Variants in SNTG1 observed in about 807,000 individuals in gnomAD.
SNTG1 encodes gamma-1-syntrophin.
Under a neutral mutation model 74.7 loss-of-function variants are expected in SNTG1, and 39 were observed. That is an observed-to-expected ratio of 0.52 (90% CI 0.40 to 0.68). SNTG1 has a LOEUF of 0.68. Ranked by LOEUF, SNTG1 falls within the 30% of genes least tolerant of loss-of-function variation. The pLI, the probability that SNTG1 is intolerant of heterozygous loss-of-function variation, is 0.00. For missense variants in SNTG1, 685 were observed against 609.5 expected, an observed-to-expected ratio of 1.12 and a Z score of -1.30; for synonymous variants, 254 against 217.1, an observed-to-expected ratio of 1.17 and a Z score of -1.49.
intron 8 of SNTG1, among the ~76,000 whole-genome samples, chr8:50,462,481 C>T (rs2093572301): frequency 6.6e-6 from 1 of 150,438 alleles, no homozygotes; most frequent in Admixed American, 6.7e-5. Context: ...TAAAATAGAA[C>T]AATGAAATTT....
At chr8:50,008,373 G>A (rs137920873) in intron 1 of SNTG1, among the ~76,000 whole-genome samples, 1 of 152,316 alleles carries the variant, frequency 6.6e-6, no homozygotes, top group South Asian at 2.1e-4. Context: ...TCTTAGTGCA[G>A]TGTCTGGATA....
intron 2 of SNTG1, among the ~76,000 whole-genome samples, chr8:50,225,881 A>G (rs2085303103): frequency 6.6e-6 from 1 of 152,176 alleles, no homozygotes. Flanking sequence ...TTCAAGAAGT[A>G]TTGACAATTG....
intron 18 of SNTG1, among the ~76,000 whole-genome samples, chr8:50,764,363 T>C (rs10098054): frequency 0.21 from 32,526 of 151,822 alleles, 5,249 homozygotes; most frequent in African/African-American, 0.46. Context: ...ATTTATAAGC[T>C]GTACATGTGA....
intron 15 of SNTG1, among the ~76,000 whole-genome samples, chr8:50,697,614 T>A (rs1563756646): frequency 6.6e-6 from 1 of 152,178 alleles, no homozygotes; most frequent in African/African-American, 2.4e-5. Flanking sequence ...ATGCTTCATT[T>A]GTTGAGGGTT....
chr8:50,731,068 A>G (rs2095511759), intron 17 of SNTG1, among the ~76,000 whole-genome samples: 1 of 152,210 alleles, frequency 6.6e-6, no homozygotes, highest in African/African-American at 2.4e-5. Flanking sequence ...GCTTATAAGT[A>G]GAATATAAAA....
At chr8:50,761,569 C>T (rs1371251784) in intron 18 of SNTG1, among the ~76,000 whole-genome samples, 2 of 150,980 alleles carry the variant, frequency 1.3e-5, no homozygotes, top group African/African-American at 2.4e-5. Context: ...CTCTTGAGGG[C>T]AGGCCTTGCT....
At chr8:49,930,887 A>G (rs1807522048) in intron 1 of SNTG1, among the ~76,000 whole-genome samples, 1 of 152,210 alleles carries the variant, frequency 6.6e-6, no homozygotes, top group Admixed American at 6.5e-5. Flanking sequence ...CTTTGTTTAG[A>G]TACCAGCAAT....
rs967198710 is a variant in SNTG1, at chr8:50,358,098, T to C, written c.-27-36114T>C. 2.0e-5 allele frequency among the ~76,000 whole-genome samples: 3 copies of C among 152,160 alleles called. No homozygotes were observed. The East Asian group carries it at 5.8e-4, about 29-fold the overall frequency. The stretch of plus-strand genomic sequence containing the variant: ...TCCAAATATTGATTGTGTCCCACCA[T>C]GTGGCAGGCTCTGTGCTGGGTGCTA... On this transcript the variant is annotated intron_variant, in intron 2 of 18. Coordinates refer to ENST00000642720, the MANE Select transcript of SNTG1 (RefSeq NM_018967.5).
At chr8:49,999,840 T>A (rs889962535) in intron 1 of SNTG1, among the ~76,000 whole-genome samples, 3 of 152,134 alleles carry the variant, frequency 2.0e-5, no homozygotes, top group African/African-American at 7.2e-5. Flanking sequence ...CACTGAATAT[T>A]TCACCTAACT....
chr8:50,278,854 T>C (rs950914282), intron 2 of SNTG1, among the ~76,000 whole-genome samples: 4 of 152,006 alleles, frequency 2.6e-5, no homozygotes, highest in African/African-American at 9.7e-5. Context: ...AAAATTCATG[T>C]CTAAGAGAGC....
At chr8:50,408,826 C>T (rs977759328) in intron 4 of SNTG1, among the ~76,000 whole-genome samples, 1 of 152,076 alleles carries the variant, frequency 6.6e-6, no homozygotes, top group Non-Finnish European at 1.5e-5. Flanking sequence ...ATTGAGAATT[C>T]GTGGTAAGTA....
At chr8:50,529,222 A>G (rs1410255766) in intron 9 of SNTG1, among the ~76,000 whole-genome samples, 1 of 152,002 alleles carries the variant, frequency 6.6e-6, no homozygotes, top group Non-Finnish European at 1.5e-5. Context: ...AGGAAAAATA[A>G]CTAAAACATA....
At chr8:50,139,475 C>A (rs6988843) in intron 1 of SNTG1, among the ~76,000 whole-genome samples, 62,772 of 152,032 alleles carry the variant, frequency 0.41, 15,761 homozygotes, top group African/African-American at 0.72. Context: ...ATATGTAAGA[C>A]GGTGTCATTA....
chr8:50,694,106 A>G (rs1366247756), intron 15 of SNTG1, among the ~76,000 whole-genome samples: 1 of 151,976 alleles, frequency 6.6e-6, no homozygotes, highest in African/African-American at 2.4e-5. Flanking sequence ...ATAATAAAGA[A>G]CATAAATAAA....
chr8:49,933,450 A>C (rs1160734680), intron 1 of SNTG1, among the ~76,000 whole-genome samples: 2 of 152,130 alleles, frequency 1.3e-5, no homozygotes, highest in African/African-American at 4.8e-5. Flanking sequence ...AGAATTTAAC[A>C]GTTTAGCTTT....
At chr8:50,055,829 CA>C (rs1195088957) in intron 1 of SNTG1, among the ~76,000 whole-genome samples, 2 of 152,040 alleles carry the variant, frequency 1.3e-5, no homozygotes, top group African/African-American at 2.4e-5. Flanking sequence ...GTTGGAAAAA[CA>C]AACACATTAA....
intron 8 of SNTG1, among the ~76,000 whole-genome samples, chr8:50,482,985 T>G (rs2131826263): frequency 6.6e-6 from 1 of 152,314 alleles, no homozygotes; most frequent in East Asian, 1.9e-4. Flanking sequence ...CCTTTGGGAC[T>G]CTCTTGGAAA....
At chr8:50,732,094 T>A (rs2095514214) in intron 17 of SNTG1, among the ~76,000 whole-genome samples, 1 of 152,012 alleles carries the variant, frequency 6.6e-6, no homozygotes, top group African/African-American at 2.4e-5. Context: ...TCAAACCTCT[T>A]TCATATGACT....
intron 1 of SNTG1, among the ~76,000 whole-genome samples, chr8:49,998,223 C>T (rs1393381823): frequency 6.6e-6 from 1 of 152,082 alleles, no homozygotes; most frequent in Non-Finnish European, 1.5e-5. Context: ...GAACTTACCA[C>T]AAATGGAACT....
Sources: gnomAD v4.1 joint callset for allele counts (sites outside exome capture counted in the v4.1 genomes callset) on GRCh38, gnomAD v4.1.1 for gene constraint, MANE v1.5 for transcripts, NCBI Gene and HGNC (gene_info 2026-07-23, HGNC 2026-07-21) for gene names.